HSD17B12: variants seen among roughly 807,000 people sequenced by gnomAD.
HSD17B12 encodes hydroxysteroid 17-beta dehydrogenase 12.
HSD17B12 carries 32 observed loss-of-function variants against 39.3 expected under a neutral mutation model. The ratio of observed to expected loss-of-function variants is 0.81; its 90% CI spans 0.61 to 1.09. The LOEUF (loss-of-function observed/expected upper bound fraction) is 1.09. Among genes scored for constraint, HSD17B12 ranks in the 50% least tolerant of loss-of-function variants. The pLI is 0.00. For synonymous variants in HSD17B12, 150 were observed against 146.7 expected (o/e 1.02, Z -0.16); for missense variants, 342 against 382.9 (o/e 0.89, Z 0.89).
At chr11:43,699,489 G>A (rs1350907917) in intron 1 of HSD17B12, among the ~76,000 whole-genome samples, 2 of 152,070 alleles carry the variant, frequency 1.3e-5, no homozygotes, top group Non-Finnish European at 2.9e-5. Context: ...AATATACTTT[G>A]AATCAATTTT....
chr11:43,734,266 T>G, intron 1 of HSD17B12: 1 of 1,312,194 alleles, frequency 7.6e-7, no homozygotes, highest in Non-Finnish European at 1.1e-6. Context: ...CCTTGACACA[T>G]CTGACTTTCA....
At chr11:43,616,417 AC>A in the HSD17B12 span, among the ~76,000 whole-genome samples, 36,837 of 109,010 alleles carry the variant, frequency 0.34, 9,738 homozygotes, top group East Asian at 0.65. Context: ...TAAAAAAAAA[AC>A]AAAAAACAAA....
chr11:43,840,191 TA>T, intron 9 of HSD17B12, 127 bp downstream of exon 9: 1 of 683,164 alleles, frequency 1.5e-6, no homozygotes, highest in Non-Finnish European at 2.4e-6. Context: ...AGCACACCAT[TA>T]AAAACGTGGT....
At chr11:43,840,939 A>G (rs1454603789) in intron 9 of HSD17B12, among the ~76,000 whole-genome samples, 1 of 152,150 alleles carries the variant, frequency 6.6e-6, no homozygotes, top group African/African-American at 2.4e-5. Context: ...AATTTTTTGA[A>G]GAACTTAGCT....
At chr11:43,669,242 T>A in the HSD17B12 span, among the ~76,000 whole-genome samples, 1 of 152,124 alleles carries the variant, frequency 6.6e-6, no homozygotes, top group African/African-American at 2.4e-5. Context: ...GGCTCACGTC[T>A]GTAATCCCAG....
chr11:43,728,955 C>T (rs1950244819), intron 1 of HSD17B12, among the ~76,000 whole-genome samples: 1 of 152,046 alleles, frequency 6.6e-6, no homozygotes, highest in South Asian at 2.1e-4. Context: ...GATTAGTATG[C>T]ACCATAATTA....
At chr11:43,601,651 T>A in the HSD17B12 span, among the ~76,000 whole-genome samples, 4 of 152,294 alleles carry the variant, frequency 2.6e-5, no homozygotes, top group East Asian at 7.7e-4. Context: ...AATCTCCTTT[T>A]GATGGACAGA....
the HSD17B12 span, among the ~76,000 whole-genome samples, chr11:43,610,654 G>A: frequency 6.6e-6 from 1 of 152,090 alleles, no homozygotes; most frequent in African/African-American, 2.4e-5. Context: ...AGTAAAGATG[G>A]GTTCCACTTC....
intron 9 of HSD17B12, among the ~76,000 whole-genome samples, chr11:43,846,638 C>T (rs948144416): frequency 7.2e-5 from 11 of 152,184 alleles, no homozygotes; most frequent in Admixed American, 2.6e-4. Flanking sequence ...GCATACTAGC[C>T]TGGGCAACAG....
the HSD17B12 span, among the ~76,000 whole-genome samples, chr11:43,566,280 A>G: frequency 6.6e-6 from 1 of 152,286 alleles, no homozygotes; most frequent in South Asian, 2.1e-4. Context: ...CCAGCAGAAA[A>G]GGGGTGAGGA....
intron 3 of HSD17B12, among the ~76,000 whole-genome samples, chr11:43,776,821 T>TA (rs764412407): frequency 1.2e-4 from 18 of 152,166 alleles, no homozygotes; most frequent in Non-Finnish European, 2.2e-4. Flanking sequence ...GCTTTCTACA[T>TA]ATGGCTAGCC....
At chr11:43,740,472 A>G (rs1950354304) in intron 1 of HSD17B12, among the ~76,000 whole-genome samples, 3 of 152,200 alleles carry the variant, frequency 2.0e-5, no homozygotes, top group Admixed American at 2.0e-4. Flanking sequence ...ACTTTTGTAT[A>G]TGTTTGATTC....
intron 1 of HSD17B12, among the ~76,000 whole-genome samples, chr11:43,695,183 A>G (rs1374174692): frequency 6.6e-6 from 1 of 152,174 alleles, no homozygotes; most frequent in Non-Finnish European, 1.5e-5. Flanking sequence ...TAGAAAAAAC[A>G]GTGGATTATC....
chr11:43,765,935 G>A (rs963201605), intron 3 of HSD17B12, among the ~76,000 whole-genome samples: 15 of 151,824 alleles, frequency 9.9e-5, no homozygotes, highest in African/African-American at 1.5e-4. Context: ...CCGGGTTCAC[G>A]CCATTCTCCT....
the HSD17B12 span, among the ~76,000 whole-genome samples, chr11:43,615,499 C>G: frequency 6.6e-6 from 1 of 152,302 alleles, no homozygotes; most frequent in Admixed American, 6.5e-5. Flanking sequence ...TTCCAGCCAC[C>G]TCAGCAACCT....
chr11:43,849,812 A>G (rs1951514286), intron 9 of HSD17B12, among the ~76,000 whole-genome samples: 1 of 152,166 alleles, frequency 6.6e-6, no homozygotes, highest in Non-Finnish European at 1.5e-5. Flanking sequence ...CTCTGTTTTT[A>G]TTCACAATGA....
the HSD17B12 span, among the ~76,000 whole-genome samples, chr11:43,608,437 G>T: frequency 1.3e-5 from 2 of 151,136 alleles, no homozygotes; most frequent in Non-Finnish European, 2.9e-5. Context: ...AGAAAAACTA[G>T]AAAGTACACT....
chr11:43,673,481 T>C, the HSD17B12 span: 1 of 56,730 alleles, frequency 1.8e-5, no homozygotes, highest in Non-Finnish European at 3.9e-5. Flanking sequence ...TCTTTTCTTT[T>C]CTTTTCTTTT....
intron 1 of HSD17B12, among the ~76,000 whole-genome samples, chr11:43,741,835 T>G (rs1330585016): frequency 2.7e-5 from 4 of 148,456 alleles, no homozygotes; most frequent in African/African-American, 7.4e-5. Flanking sequence ...TTGGGTTCAC[T>G]CCATCCTCCT....
Sources: allele counts gnomAD v4.1 joint callset (sites outside exome capture counted in the v4.1 genomes callset), GRCh38; gene constraint gnomAD v4.1.1; transcripts MANE v1.5; gene names NCBI Gene and HGNC (gene_info 2026-07-23, HGNC 2026-07-21).